The following SCGB2B2 variants were observed in gnomAD, a reference collection of about 807,000 sequenced individuals.
The protein encoded by SCGB2B2 is secretoglobin family 2B member 2.
In SCGB2B2, 11 loss-of-function variants were observed where a neutral mutation model predicts 7.6. The ratio of observed to expected loss-of-function variants is 1.45; its 90% CI spans 0.91 to 2.40. SCGB2B2 has a LOEUF of 2.40. Among genes scored for constraint, SCGB2B2 ranks in the 30% most tolerant of loss-of-function variants. The probability of loss-of-function intolerance (pLI) is 0.00; values close to 1 mark genes in which losing one functional copy is unlikely to be tolerated. For missense variants in SCGB2B2, 104 were observed against 115.4 expected, an observed-to-expected ratio of 0.90 and a Z score of 0.45; for synonymous variants, 50 against 48.6, an observed-to-expected ratio of 1.03 and a Z score of -0.12.
intron 2 of SCGB2B2, 33 bp downstream of exon 2, chr19:34,594,470 G>C: frequency 6.2e-7 from 1 of 1,608,166 alleles, no homozygotes; most frequent in Non-Finnish European, 8.5e-7. Context: ...CAGGGCCACC[G>C]CTTCCTCCCA....
chr19:34,620,422 G>T (rs1016247336), intron 1 of SCGB2B2, among the ~76,000 whole-genome samples: 1 of 148,654 alleles, frequency 6.7e-6, no homozygotes, highest in African/African-American at 2.5e-5. Flanking sequence ...GCAAACTATT[G>T]CAAGGACAGA....
At chr19:34,590,000 C>G (rs569894378), downstream of SCGB2B2, among the ~76,000 whole-genome samples, 5 of 152,188 alleles carry the variant, frequency 3.3e-5, no homozygotes, top group African/African-American at 1.2e-4. Flanking sequence ...GGACATAAAA[C>G]CACCTGCTCA....
At chr19:34,658,644 G>T (rs1380793263) in intron 1 of SCGB2B2, among the ~76,000 whole-genome samples, 2 of 152,008 alleles carry the variant, frequency 1.3e-5, no homozygotes, top group African/African-American at 2.4e-5. Context: ...AGGATCAGAT[G>T]GATTCACAGC....
intron 1 of SCGB2B2, among the ~76,000 whole-genome samples, chr19:34,655,683 G>T (rs1271875718): frequency 6.6e-6 from 1 of 151,364 alleles, no homozygotes; most frequent in Non-Finnish European, 1.5e-5. Context: ...AGTTGATTGA[G>T]ACCTCTCTCA....
intron 1 of SCGB2B2, among the ~76,000 whole-genome samples, chr19:34,617,528 T>C (rs2145876966): frequency 1.3e-5 from 2 of 151,638 alleles, no homozygotes; most frequent in East Asian, 1.9e-4. Flanking sequence ...TTTTTGTACA[T>C]TGATTTTGTA....
chr19:34,606,120 CT>C (rs201440893), intron 1 of SCGB2B2, among the ~76,000 whole-genome samples: 4,415 of 151,306 alleles, frequency 0.029, 74 homozygotes, highest in Non-Finnish European at 0.039. Context: ...ATTTTACCAA[CT>C]TTTTAAAAAA....
At chr19:34,667,235 G>A (rs537369948) in intron 1 of SCGB2B2, among the ~76,000 whole-genome samples, 12 of 152,154 alleles carry the variant, frequency 7.9e-5, no homozygotes, top group Non-Finnish European at 1.2e-4. Context: ...CTGGGTCTCC[G>A]CCCTCTGATA....
intron 1 of SCGB2B2, among the ~76,000 whole-genome samples, chr19:34,639,920 C>G (rs1036643466): frequency 2.0e-5 from 3 of 151,814 alleles, no homozygotes; most frequent in African/African-American, 7.3e-5. Context: ...AGGAAAGGTT[C>G]CAGTGGGGTT....
chr19:34,669,908 C>A (rs939488148), intron 1 of SCGB2B2, among the ~76,000 whole-genome samples: 2 of 152,200 alleles, frequency 1.3e-5, no homozygotes, highest in African/African-American at 2.4e-5. Flanking sequence ...GCAAGGGGAA[C>A]CCATAGGCCA....
intron 1 of SCGB2B2, among the ~76,000 whole-genome samples, chr19:34,652,828 C>T (rs1399838702): frequency 6.6e-6 from 1 of 151,178 alleles, no homozygotes; most frequent in East Asian, 1.9e-4. Context: ...ATAGATTTAC[C>T]ATATGATCAA....
intron 1 of SCGB2B2, among the ~76,000 whole-genome samples, chr19:34,624,568 G>A (rs1387928204): frequency 6.6e-6 from 1 of 152,180 alleles, no homozygotes; most frequent in Non-Finnish European, 1.5e-5. Flanking sequence ...GAAGGGATAG[G>A]AGACATGAGA....
At chr19:34,630,841 A>C (rs1467965988) in intron 1 of SCGB2B2, among the ~76,000 whole-genome samples, 1 of 152,014 alleles carries the variant, frequency 6.6e-6, no homozygotes, top group Non-Finnish European at 1.5e-5. Context: ...ACTATTCACA[A>C]TAGCAAAGAC....
At chr19:34,605,776 T>C (rs1038672732) in intron 1 of SCGB2B2, among the ~76,000 whole-genome samples, 1 of 152,074 alleles carries the variant, frequency 6.6e-6, no homozygotes, top group East Asian at 1.9e-4. Flanking sequence ...ATTTTTTTAG[T>C]AGACACGGGG....
At chr19:34,649,739 C>T (rs180819942) in intron 1 of SCGB2B2, among the ~76,000 whole-genome samples, 21 of 151,838 alleles carry the variant, frequency 1.4e-4, no homozygotes, top group Non-Finnish European at 2.4e-4. Context: ...TTGTAACCTC[C>T]GCTACTCGGG....
chr19:34,610,320 C>T (rs1309452251), intron 1 of SCGB2B2, among the ~76,000 whole-genome samples: 2 of 152,086 alleles, frequency 1.3e-5, no homozygotes, highest in Non-Finnish European at 2.9e-5. Flanking sequence ...TGCCTAATTG[C>T]TCTGGCTAGG....
chr19:34,667,551 A>G (rs1392671544), intron 1 of SCGB2B2, among the ~76,000 whole-genome samples: 2 of 152,150 alleles, frequency 1.3e-5, no homozygotes, highest in Non-Finnish European at 2.9e-5. Context: ...CAAGTAACCA[A>G]TGGGAAGCCT....
intron 1 of SCGB2B2, among the ~76,000 whole-genome samples, chr19:34,673,182 G>T (rs1444137370): frequency 6.6e-6 from 1 of 152,170 alleles, no homozygotes; most frequent in East Asian, 1.9e-4. Context: ...TAGTGGAAGG[G>T]AGTGGGTTGA....
intron 1 of SCGB2B2, among the ~76,000 whole-genome samples, chr19:34,668,962 T>C (rs143763159): frequency 0.037 from 5,683 of 152,000 alleles, 363 homozygotes; most frequent in African/African-American, 0.13. Flanking sequence ...CCAGCTGGGG[T>C]CCCCTTCCAC....
chr19:34,643,672 C>T (rs1600061761), intron 1 of SCGB2B2, among the ~76,000 whole-genome samples: 1 of 151,888 alleles, frequency 6.6e-6, no homozygotes, highest in Non-Finnish European at 1.5e-5. Flanking sequence ...TAACAAAATA[C>T]CTCATGTACT....
Sources: allele counts gnomAD v4.1 joint callset (sites outside exome capture counted in the v4.1 genomes callset), GRCh38; gene constraint gnomAD v4.1.1; transcripts MANE v1.5; gene names NCBI Gene and HGNC (gene_info 2026-07-23, HGNC 2026-07-21).